The following NKAIN2 variants were observed in gnomAD, a reference collection of about 807,000 sequenced individuals.
NKAIN2 encodes the protein sodium/potassium-transporting ATPase subunit beta-1-interacting protein 2.
NKAIN2 carries 14 observed loss-of-function variants against 32.6 expected under a neutral mutation model. The ratio of observed to expected loss-of-function variants is 0.43; its 90% CI spans 0.28 to 0.67. The LOEUF is 0.67. Among genes scored for constraint, NKAIN2 ranks in the 30% least tolerant of loss-of-function variants. The probability of loss-of-function intolerance (pLI) is 0.17; values close to 1 mark genes in which losing one functional copy is unlikely to be tolerated. For synonymous variants in NKAIN2, 80 were observed against 87.2 expected, an observed-to-expected ratio of 0.92 and a Z score of 0.46; for missense variants, 198 against 258.3, an observed-to-expected ratio of 0.77 and a Z score of 1.60.
chr6:123,829,619 A>T (rs1482122650), intron 1 of NKAIN2, among the ~76,000 whole-genome samples: 4 of 151,982 alleles, frequency 2.6e-5, no homozygotes, highest in African/African-American at 9.7e-5. Flanking sequence ...TCTTGTCCAT[A>T]CTCCATTAGT....
At chr6:123,923,881 T>C (rs1775882643) in intron 1 of NKAIN2, among the ~76,000 whole-genome samples, 1 of 150,920 alleles carries the variant, frequency 6.6e-6, no homozygotes, top group African/African-American at 2.4e-5. Context: ...GCATGGCACA[T>C]GTATATGTAT....
chr6:124,406,673 C>G (rs1240575459), intron 3 of NKAIN2, among the ~76,000 whole-genome samples: 5 of 152,024 alleles, frequency 3.3e-5, no homozygotes, highest in Non-Finnish European at 7.4e-5. Context: ...TTTTGCAAAA[C>G]AGTTGTACCA....
intron 1 of NKAIN2, among the ~76,000 whole-genome samples, chr6:123,974,255 T>C (rs1261964732): frequency 6.6e-6 from 1 of 152,200 alleles, no homozygotes; most frequent in Non-Finnish European, 1.5e-5. Context: ...GAAATTCTAA[T>C]TCTTTTAGAA....
intron 1 of NKAIN2, among the ~76,000 whole-genome samples, chr6:123,991,551 C>T (rs943515604): frequency 6.6e-6 from 1 of 152,014 alleles, no homozygotes; most frequent in Non-Finnish European, 1.5e-5. Flanking sequence ...ATCAAAAATG[C>T]CCACTGGAAT....
chr6:123,826,584 A>G (rs916775843), intron 1 of NKAIN2, among the ~76,000 whole-genome samples: 1 of 152,102 alleles, frequency 6.6e-6, no homozygotes, highest in Non-Finnish European at 1.5e-5. Context: ...ACTGTTCTAA[A>G]TATCTCATAT....
chr6:123,982,046 A>G (rs1308546666), intron 1 of NKAIN2, among the ~76,000 whole-genome samples: 1 of 152,228 alleles, frequency 6.6e-6, no homozygotes, highest in Admixed American at 6.5e-5. Flanking sequence ...GGTTAAGTCT[A>G]GCAAAAATAT....
At chr6:124,207,014 G>C (rs765628171) in intron 1 of NKAIN2, among the ~76,000 whole-genome samples, 14 of 151,622 alleles carry the variant, frequency 9.2e-5, no homozygotes, top group Non-Finnish European at 1.8e-4. Flanking sequence ...CACAGTTTCA[G>C]CTAAGCTAAA....
At chr6:123,868,239 A>G (rs1201543915) in intron 1 of NKAIN2, among the ~76,000 whole-genome samples, 1 of 152,160 alleles carries the variant, frequency 6.6e-6, no homozygotes, top group Non-Finnish European at 1.5e-5. Context: ...AGGCATGGCT[A>G]TGTCATATGC....
At chr6:124,800,966 G>A (rs540435174) in intron 5 of NKAIN2, among the ~76,000 whole-genome samples, 17 of 152,262 alleles carry the variant, frequency 1.1e-4, no homozygotes, top group African/African-American at 3.4e-4. Flanking sequence ...TAATGAAGCT[G>A]ATGTTGAATT....
chr6:124,470,199 G>A (rs562132753), intron 3 of NKAIN2, among the ~76,000 whole-genome samples: 30 of 152,248 alleles, frequency 2.0e-4, no homozygotes, highest in African/African-American at 5.8e-4. Flanking sequence ...CCAGGCCACC[G>A]TGGCTGCAGC....
Position 124,825,066 on chromosome 6 carries a change from T to C in NKAIN2, c.*1837T>C, listed in dbSNP as rs1450278892. The stretch of plus-strand genomic sequence containing the variant: ...CTCATATGACGCTTTTATAGTGACA[T>C]GCATGTTTAATGTATGAGAAAAATA... On this transcript the variant is annotated 3_prime_UTR_variant, in exon 7 of 7. Transcript: ENST00000368417. 1 of 152,624 alleles carries C rather than the reference T, an allele frequency of 6.6e-6. No individual in the cohort carries two copies. The highest frequency in any genetic ancestry group is 1.5e-5 in the Non-Finnish European group (1 of 68,034). The allele number at this position is 152,624 out of a possible 1,614,324, so 9.5% of individuals were successfully genotyped here.
intron 1 of NKAIN2, among the ~76,000 whole-genome samples, chr6:124,247,959 A>C (rs1435049592): frequency 1.3e-5 from 2 of 152,102 alleles, no homozygotes; most frequent in African/African-American, 4.8e-5. Flanking sequence ...CTATTGTTGA[A>C]ATAATCAATG....
intron 3 of NKAIN2, among the ~76,000 whole-genome samples, chr6:124,608,272 T>C (rs11154251): frequency 0.023 from 3,528 of 152,250 alleles, 135 homozygotes; most frequent in African/African-American, 0.08. Flanking sequence ...GAATACTTTT[T>C]ACTCATGGTG....
rs140556849 is a variant in NKAIN2, at chr6:123,870,077, T to A, written c.54+65823T>A. 1.3e-5 allele frequency among the ~76,000 whole-genome samples: 2 copies of A among 152,320 alleles called. 1 individual carries two copies. The highest frequency in any genetic ancestry group is 4.2e-4 in the South Asian group (2 of 4,818). On this transcript the variant is annotated intron_variant, in intron 1 of 6. Coordinates refer to ENST00000368417, the MANE Select transcript of NKAIN2 (RefSeq NM_001040214.3). The stretch of plus-strand genomic sequence containing the variant: ...TCTAAATCTGTAATTGTCAGTAAAC[T>A]TGACAATTATTTTTTTACTCTGTGT...
In NKAIN2 at chr6:124,673,458, T is replaced by C. The variant is rs958549885; in HGVS notation, c.474+15072T>C. Among the ~76,000 whole-genome samples, 4 of 152,092 alleles carry C rather than the reference T, an allele frequency of 2.6e-5. No homozygotes were observed. In the East Asian group the frequency reaches 5.8e-4, roughly 22 times the overall value. On this transcript the variant is annotated intron_variant, in intron 4 of 6. Transcript: ENST00000368417. The stretch of plus-strand genomic sequence containing the variant: ...ATTTTACTTTTAATTTTTTGAGAAC[T>C]GTATACTGTTACACCATTTTACATT...
At chr6:123,979,981 A>T (rs796359158) in intron 1 of NKAIN2, among the ~76,000 whole-genome samples, 2 of 152,154 alleles carry the variant, frequency 1.3e-5, no homozygotes, top group Non-Finnish European at 2.9e-5. Context: ...GTTGATTATG[A>T]TATTAGATGA....
chr6:124,053,974 G>A (rs1025000137), intron 1 of NKAIN2, among the ~76,000 whole-genome samples: 1 of 152,004 alleles, frequency 6.6e-6, no homozygotes, highest in South Asian at 2.1e-4. Context: ...ATGAGTATAA[G>A]GAAGGGAAGA....
At chr6:124,021,943 G>A (rs967600202) in intron 1 of NKAIN2, among the ~76,000 whole-genome samples, 1 of 152,034 alleles carries the variant, frequency 6.6e-6, no homozygotes, top group Non-Finnish European at 1.5e-5. Flanking sequence ...AGTGCACAAC[G>A]TGCAAGTTTT....
chr6:124,066,858 G>A (rs914930583), intron 1 of NKAIN2, among the ~76,000 whole-genome samples: 3 of 67,912 alleles, frequency 4.4e-5, no homozygotes, highest in Non-Finnish European at 5.5e-5. Flanking sequence ...TCAATTTGCT[G>A]CGTTTGTGTG....
Sources: allele counts gnomAD v4.1 joint callset (sites outside exome capture counted in the v4.1 genomes callset), GRCh38; gene constraint gnomAD v4.1.1; transcripts MANE v1.5; gene names NCBI Gene and HGNC (gene_info 2026-07-23, HGNC 2026-07-21).